KIRREL3: variants seen among roughly 807,000 people sequenced by gnomAD.
KIRREL3 encodes the protein kin of IRRE-like protein 3.
Under a neutral mutation model 89.7 loss-of-function variants are expected in KIRREL3, and 36 were observed. The observed-to-expected ratio is 0.40, with a 90% CI of 0.31 to 0.53. The LOEUF (loss-of-function observed/expected upper bound fraction) is 0.53. Among genes scored for constraint, KIRREL3 ranks in the 20% least tolerant of loss-of-function variants. The pLI, the probability that KIRREL3 is intolerant of heterozygous loss-of-function variation, is 0.49. For missense variants in KIRREL3, 864 were observed against 1,056.6 expected (o/e 0.82, Z 2.53); for synonymous variants, 445 against 441.4 (o/e 1.01, Z -0.10).
chr11:126,473,684 C>T (rs372735882), intron 4 of KIRREL3, among the ~76,000 whole-genome samples: 6 of 152,362 alleles, frequency 3.9e-5, no homozygotes, highest in South Asian at 4.1e-4. Flanking sequence ...TGCCAGTCAT[C>T]GCATCCCTGC....
At chr11:126,469,789 A>T (rs1956835737) in intron 5 of KIRREL3, among the ~76,000 whole-genome samples, 1 of 152,202 alleles carries the variant, frequency 6.6e-6, no homozygotes, top group Non-Finnish European at 1.5e-5. Flanking sequence ...CCAGGGACAC[A>T]TTGAGGGTCT....
chr11:126,815,141 C>T (rs1704326792), intron 1 of KIRREL3, among the ~76,000 whole-genome samples: 2 of 152,166 alleles, frequency 1.3e-5, no homozygotes, highest in African/African-American at 4.8e-5. Context: ...AGACACCTGG[C>T]TTGCAGTTTT....
rs558431646 is a variant in KIRREL3 at position 126,462,787 on chromosome 11, A to T, written c.742+370T>A. On this transcript the variant is annotated intron_variant, in intron 6 of 16. Coordinates refer to ENST00000525144, the MANE Select transcript of KIRREL3 (RefSeq NM_032531.4). The surrounding 1 kb of genome is among the most constrained non-coding windows in gnomAD (Gnocchi z 4.8). Reference sequence around the variant, plus strand: ...TCTCCAGAGCACAGCGCTGCTTGCCAATTCTGAAGCCTGGGGACCCTTCAA... The same window carrying T: ...TCTCCAGAGCACAGCGCTGCTTGCCTATTCTGAAGCCTGGGGACCCTTCAA... 6.6e-6 allele frequency among the ~76,000 whole-genome samples: 1 copy of T among 152,122 alleles called. No individual in the cohort carries two copies. The highest frequency in any genetic ancestry group is 1.5e-5 in the Non-Finnish European group (1 of 68,014).
At chr11:126,589,894 G>T (rs1942056634) in intron 1 of KIRREL3, among the ~76,000 whole-genome samples, 1 of 152,152 alleles carries the variant, frequency 6.6e-6, no homozygotes, top group Non-Finnish European at 1.5e-5. Flanking sequence ...CCAGCTGCTG[G>T]CTGAGGCTCT....
intron 4 of KIRREL3, among the ~76,000 whole-genome samples, chr11:126,483,372 T>C (rs1957271284): frequency 1.3e-5 from 2 of 152,266 alleles, no homozygotes; most frequent in Non-Finnish European, 2.9e-5. Context: ...TTTTCTCTTC[T>C]TAATCTATCG....
intron 2 of KIRREL3, among the ~76,000 whole-genome samples, chr11:126,552,550 G>GTTTTT (rs59392843): frequency 0.027 from 2,178 of 81,612 alleles, 428 homozygotes; most frequent in Non-Finnish European, 0.038. Flanking sequence ...AGAGAGAAAA[G>GTTTTT]TTTTTTTTTT....
At chr11:126,834,262 C>G (rs1943704974) in intron 1 of KIRREL3, among the ~76,000 whole-genome samples, 2 of 152,152 alleles carry the variant, frequency 1.3e-5, no homozygotes, top group African/African-American at 4.8e-5. Context: ...TCATTTGGCC[C>G]AGAATTTGGG....
chr11:126,427,902 A>G lies in KIRREL3; in HGVS notation c.1806+1277T>C, dbSNP rs1953323567. On this transcript the variant is annotated intron_variant, in intron 15 of 16. Transcript: ENST00000525144. The surrounding 1 kb of genome is among the most constrained non-coding windows in gnomAD (Gnocchi z 5.3). ...AAGTAAAGAAGTGATGGTGGAGGAC[A>G]GGTGGGGCACACATTTGAGACACTT... 6.6e-6 allele frequency among the ~76,000 whole-genome samples: 1 copy of G among 152,206 alleles called. No homozygotes were observed. The highest frequency in any genetic ancestry group is 1.5e-5 in the Non-Finnish European group (1 of 68,026).
chr11:126,995,470 G>A lies in KIRREL3; in HGVS notation c.55+4985C>T. On this transcript the variant is annotated intron_variant, in intron 1 of 16. Coordinates refer to ENST00000525144, the MANE Select transcript of KIRREL3 (RefSeq NM_032531.4). This position sits in a 1 kb window ranked among gnomAD's most constrained non-coding sequence, Gnocchi z 6.5. ...ACGCCTGCACTGTTTTTCACCTAAG[G>A]TCATCTCGACAATTTACAAGGATAA... 2.6e-6 allele frequency: 1 copy of A among 378,638 alleles called. No homozygotes were observed. The highest frequency in any genetic ancestry group is 5.2e-6 in the Non-Finnish European group (1 of 192,924). The allele number at this position is 378,638 out of a possible 1,614,324, so 23.5% of individuals were successfully genotyped here.
rs1417273925 is a variant in KIRREL3, at chr11:126,686,197, C to A, written c.56-123285G>T. Among the ~76,000 whole-genome samples, 10 of 152,328 alleles carry A rather than the reference C, an allele frequency of 6.6e-5. No individual in the cohort carries two copies. The highest frequency in any genetic ancestry group is 2.2e-4 in the African/African-American group (9 of 41,570). On this transcript the variant is annotated intron_variant, in intron 1 of 16. Coordinates refer to ENST00000525144, the MANE Select transcript of KIRREL3 (RefSeq NM_032531.4). This position sits in a 1 kb window ranked among gnomAD's most constrained non-coding sequence, Gnocchi z 4.7. ...GAGCTTCTCCTCCACAGCCCACCCA[C>A]CTGCAGGGGCTTTCTCACGTGTGGC...
At position 126,569,774 on chromosome 11, in the gene KIRREL3, T is replaced by C. The variant is rs1940786288; in HGVS notation, c.56-6862A>G. 6.6e-6 allele frequency among the ~76,000 whole-genome samples: 1 copy of C among 152,154 alleles called. No individual in the cohort carries two copies. The highest frequency in any genetic ancestry group is 1.5e-5 in the Non-Finnish European group (1 of 68,024). The stretch of plus-strand genomic sequence containing the variant: ...AAAAGGCCTTGAAAGCTGGAGATTG[T>C]CCCTAGTTTTGTCTTAGTTTTGGAT... On this transcript the variant is annotated intron_variant, in intron 1 of 16. Coordinates refer to ENST00000525144, the MANE Select transcript of KIRREL3 (RefSeq NM_032531.4). This position sits in a 1 kb window ranked among gnomAD's most constrained non-coding sequence, Gnocchi z 6.5.
Position 126,715,232 on chromosome 11 carries a change from C to T in KIRREL3, c.56-152320G>A, listed in dbSNP as rs936629478. ...ATCAGTTGAGAAAAACAGTCTTGAG[C>T]TACTCAGGCTATCCCCATCTATTTT... is the stretch of plus-strand genomic sequence containing the variant. On this transcript the variant is annotated intron_variant, in intron 1 of 16. Transcript: ENST00000525144. This position sits in a 1 kb window ranked among gnomAD's most constrained non-coding sequence, Gnocchi z 4.4. Among the ~76,000 whole-genome samples, 1 of 152,210 alleles carries T rather than the reference C, an allele frequency of 6.6e-6. No homozygotes were observed. The highest frequency in any genetic ancestry group is 2.4e-5 in the African/African-American group (1 of 41,436).
rs1348940799 is a variant in KIRREL3 at position 126,555,827 on chromosome 11, G to A, written c.133+7008C>T. Among the ~76,000 whole-genome samples, 4 of 149,628 alleles carry A rather than the reference G, an allele frequency of 2.7e-5. No individual in the cohort carries two copies. The highest frequency in any genetic ancestry group is 6.7e-5 in the Admixed American group (1 of 14,894). On this transcript the variant is annotated intron_variant, in intron 2 of 16. Coordinates refer to ENST00000525144, the MANE Select transcript of KIRREL3 (RefSeq NM_032531.4). The surrounding 1 kb of genome is among the most constrained non-coding windows in gnomAD (Gnocchi z 4.2). ...ACGATCTCGGCTCACTGCAACCTCC[G>A]CCTCCCAGGTTCAAGTGACTCTCCT...
chr11:126,660,439 G>A (rs975691618), intron 1 of KIRREL3, among the ~76,000 whole-genome samples: 3 of 152,238 alleles, frequency 2.0e-5, no homozygotes, highest in Middle Eastern at 3.4e-3. Context: ...TTCCAAAGCC[G>A]GTAAAAATGA....
At chr11:126,461,541 A>G (rs1446844080) in intron 6 of KIRREL3, among the ~76,000 whole-genome samples, 1 of 152,124 alleles carries the variant, frequency 6.6e-6, no homozygotes, top group Non-Finnish European at 1.5e-5. Flanking sequence ...GATGTTTGTT[A>G]ATAGCTGGTG....
rs979471534 is a variant in KIRREL3 at position 126,709,714 on chromosome 11, C to T, written c.56-146802G>A. ...AAGGGGAGGCCTCGGGAGAAACCAA[C>T]CCTGTAGACACCTCCATCTCAGACC... is the stretch of plus-strand genomic sequence containing the variant. On this transcript the variant is annotated intron_variant, in intron 1 of 16. Coordinates refer to ENST00000525144, the MANE Select transcript of KIRREL3 (RefSeq NM_032531.4). This position sits in a 1 kb window ranked among gnomAD's most constrained non-coding sequence, Gnocchi z 4.0. 7.9e-5 allele frequency among the ~76,000 whole-genome samples: 12 copies of T among 152,152 alleles called. No homozygotes were observed. The highest frequency in any genetic ancestry group is 4.4e-5 in the Non-Finnish European group (3 of 68,024).
chr11:126,440,176 C>G (rs541795304), intron 11 of KIRREL3: 1 of 667,414 alleles, frequency 1.5e-6, no homozygotes, highest in African/African-American at 1.8e-5. Flanking sequence ...GTGTGCCCCT[C>G]TGCCCTTAGG....
At chr11:126,502,623 A>T (rs969304520) in intron 4 of KIRREL3, among the ~76,000 whole-genome samples, 1 of 152,366 alleles carries the variant, frequency 6.6e-6, no homozygotes, top group Admixed American at 6.5e-5. Context: ...TATTTGCAAG[A>T]AAATAGAATG....
At position 126,593,002 on chromosome 11, in the gene KIRREL3, C is replaced by T. The variant is rs368428981; in HGVS notation, c.56-30090G>A. Among the ~76,000 whole-genome samples the T allele has an allele frequency of 2.5e-4, 38 of 152,264 alleles. No individual in the cohort carries two copies. In the East Asian group the frequency reaches 5.4e-3, roughly 22 times the overall value. On this transcript the variant is annotated intron_variant, in intron 1 of 16. Coordinates refer to ENST00000525144, the MANE Select transcript of KIRREL3 (RefSeq NM_032531.4). ...GGGGAGCAGGCACATGGTCCAGCCACGTTAGGAGGCTTGCACAAAGGGCTT... is the reference window on the plus strand; with the variant it reads ...GGGGAGCAGGCACATGGTCCAGCCATGTTAGGAGGCTTGCACAAAGGGCTT...
Sources: allele counts gnomAD v4.1 joint callset (sites outside exome capture counted in the v4.1 genomes callset), GRCh38; gene constraint gnomAD v4.1.1; non-coding constraint Gnocchi (gnomAD v3.1); transcripts MANE v1.5; gene names NCBI Gene and HGNC (gene_info 2026-07-23, HGNC 2026-07-21).